The following FCSK variants were observed in gnomAD, a reference collection of about 807,000 sequenced individuals.
The protein encoded by FCSK is L-fucose kinase.
Under a neutral mutation model 122.5 loss-of-function variants are expected in FCSK, and 123 were observed. The ratio of observed to expected loss-of-function variants is 1.00; its 90% CI spans 0.87 to 1.17. FCSK has a LOEUF of 1.17. Among genes scored for constraint, FCSK ranks in the 50% most tolerant of loss-of-function variants. The pLI is 0.00. For missense variants in FCSK, 1,366 were observed against 1,450.4 expected (o/e 0.94, Z 0.95); for synonymous variants, 620 against 625.5 (o/e 0.99, Z 0.13).
At chr16:70,456,381 T>C (rs1679309380) in intron 1 of FCSK, among the ~76,000 whole-genome samples, 1 of 152,234 alleles carries the variant, frequency 6.6e-6, no homozygotes, top group Admixed American at 6.5e-5. Flanking sequence ...GCCTTTGCCA[T>C]AGTGCCTGAA....
At chr16:70,469,741 C>T (rs2048549887) in intron 10 of FCSK, among the ~76,000 whole-genome samples, 1 of 152,026 alleles carries the variant, frequency 6.6e-6, no homozygotes, top group South Asian at 2.1e-4. Context: ...TTTAGTTGGT[C>T]AGGCTGGTCT....
rs1031791041 is a variant in FCSK at position 70,471,015 on chromosome 16, G to C, written c.1113G>C (p.Leu371=). Residue 371 remains leucine (L), a synonymous_variant, in exon 12 of 24, where the codon CTG becomes CTC. Coordinates refer to ENST00000288078, the MANE Select transcript of FCSK (RefSeq NM_145059.3). The part of the protein sequence containing the change: ...LAAGSSVVSC[L]LEGPVQLGPG... ...CCGGGAGCTCTGTGGTCAGCTGCCTGCTGGAGGGCCCTGTCCAGCTGGGTC... is the reference window on the plus strand; with the variant it reads ...CCGGGAGCTCTGTGGTCAGCTGCCTCCTGGAGGGCCCTGTCCAGCTGGGTC... 1 of 1,602,210 alleles carries C rather than the reference G, an allele frequency of 6.2e-7. No individual in the cohort carries two copies. The highest frequency in any genetic ancestry group is 8.5e-7 in the Non-Finnish European group (1 of 1,176,262).
At position 70,468,924 on chromosome 16, in the gene FCSK, G is replaced by A. The variant is rs748456022; in HGVS notation, c.739G>A (p.Ala247Thr). 4.3e-6 allele frequency: 7 copies of A among 1,613,932 alleles called. No homozygotes were observed. The highest frequency in any genetic ancestry group is 4.2e-6 in the Non-Finnish European group (5 of 1,180,024). ...LATHVSPPLD[A>T]CTYLGLDSGA... ...CACCCACGTGAGCCCGCCCCTGGAT[G>A]CCTGCACCTACCTAGGCTTGGACTC... Residue 247 changes from alanine (A) to threonine (T), a missense_variant, in exon 9 of 24, where the codon GCC becomes ACC. By Grantham distance (58) the Ala-to-Thr change is moderately conservative (BLOSUM62 0). Transcript: ENST00000288078.
chr16:70,455,808 C>T (rs1196784487), intron 1 of FCSK, among the ~76,000 whole-genome samples: 20 of 151,732 alleles, frequency 1.3e-4, no homozygotes, highest in Admixed American at 6.6e-5. Context: ...AGGAGAATCA[C>T]TTTAACCTGG....
rs759405804 is a variant in FCSK, at chr16:70,467,357, A to G, written c.485-17A>G. 165 of 1,586,864 alleles carry G rather than the reference A, an allele frequency of 1.0e-4. No homozygotes were observed. Among genetic ancestry groups the G allele is most frequent in the Non-Finnish European group, 1.4e-4 (164 of 1,164,724 alleles). On this transcript the variant is annotated splice_polypyrimidine_tract_variant and intron_variant, in intron 6 of 23. Coordinates refer to ENST00000288078, the MANE Select transcript of FCSK (RefSeq NM_145059.3). ...GGTGGAGGCCCCTGGGAGCCTCCTGACTGCCCCACCCCACAGGTATCAGCT... is the reference window on the plus strand; with the variant it reads ...GGTGGAGGCCCCTGGGAGCCTCCTGGCTGCCCCACCCCACAGGTATCAGCT...
intron 4 of FCSK, among the ~76,000 whole-genome samples, chr16:70,465,474 C>A (rs746769729): frequency 1.3e-5 from 2 of 151,632 alleles, no homozygotes; most frequent in Non-Finnish European, 2.9e-5. Context: ...GCCTGGGCAA[C>A]ATGGTGAAAC....
In FCSK at chr16:70,475,340, CCTT is replaced by C. The variant is rs1567711482; in HGVS notation, c.2378-7_2378-5del. On this transcript the variant is annotated splice_polypyrimidine_tract_variant and splice_region_variant and intron_variant, in intron 18 of 23. Coordinates refer to ENST00000288078, the MANE Select transcript of FCSK (RefSeq NM_145059.3). The stretch of plus-strand genomic sequence containing the variant: ...GACTGAATTCCTTTCTCATGCCTGT[CCTT>C]CTGCAGGGGCCCTGCTGAAGGCGGC... 14 of 1,608,938 alleles carry C rather than the reference CCTT, an allele frequency of 8.7e-6. No homozygotes were observed. The highest frequency in any genetic ancestry group is 1.1e-5 in the Non-Finnish European group (13 of 1,179,866).
chr16:70,472,537 C>T lies in FCSK; in HGVS notation c.1342-4C>T. ...AGCCCTGACTGCTTCTTCCTCTCCC[C>T]CAGAGACAGGGGGCAGGCACATATC... On this transcript the variant is annotated splice_region_variant and splice_polypyrimidine_tract_variant and intron_variant, in intron 13 of 23. Coordinates refer to ENST00000288078, the MANE Select transcript of FCSK (RefSeq NM_145059.3). 4 of 1,611,822 alleles carry T rather than the reference C, an allele frequency of 2.5e-6. No individual in the cohort carries two copies. Among genetic ancestry groups the T allele is most frequent in the Non-Finnish European group, 3.4e-6 (4 of 1,178,850 alleles).
At position 70,472,494 on chromosome 16, in the gene FCSK, C is replaced by T. The variant is rs1226255445; in HGVS notation, c.1342-47C>T. On this transcript the variant is annotated intron_variant, in intron 13 of 23. Transcript: ENST00000288078. ...GCCCCCTGGCCGAGTGTCTCTAACC[C>T]TTTCCTGTGGCCCCTGCAGCCCTGA... 2.6e-6 allele frequency: 4 copies of T among 1,522,848 alleles called. 1 individual carries two copies. In the South Asian group the frequency reaches 4.7e-5, roughly 18 times the overall value. 94.3% of individuals were successfully genotyped at this position (1,522,848 alleles called of 1,614,324 possible).
intron 1 of FCSK, among the ~76,000 whole-genome samples, chr16:70,459,176 T>C (rs1280805525): frequency 6.7e-6 from 1 of 150,182 alleles, no homozygotes; most frequent in Non-Finnish European, 1.5e-5. Flanking sequence ...TGAGTTATGA[T>C]TGCACCACTA....
intron 13 of FCSK, among the ~76,000 whole-genome samples, chr16:70,471,853 C>T (rs1300985289): frequency 6.8e-6 from 1 of 147,706 alleles, no homozygotes; most frequent in Admixed American, 6.7e-5. Context: ...TCTCCCAGGC[C>T]GGAGTGCAGT....
Position 70,455,888 on chromosome 16 carries a change from CAA to C in FCSK, c.-23+1270_-23+1271del, listed in dbSNP as rs1198596857. ...GCCTGACGACAGAGGGAGACTGTCT[CAA>C]AAAAAAAAAAAGCCAGGCATGGTGG... is the stretch of plus-strand genomic sequence containing the variant. On this transcript the variant is annotated intron_variant, in intron 1 of 23. Coordinates refer to ENST00000288078, the MANE Select transcript of FCSK (RefSeq NM_145059.3). Among the ~76,000 whole-genome samples, 32 of 115,262 alleles carry C rather than the reference CAA, an allele frequency of 2.8e-4. 1 individual carries two copies. The highest frequency in any genetic ancestry group is 8.9e-4 in the African/African-American group (29 of 32,744). 75.6% of individuals were successfully genotyped at this position (115,262 alleles called of 152,430 possible).
rs1291051324 is a variant in FCSK, at chr16:70,474,628, C to T, written c.2089C>T (p.Gln697Ter). Residue 697 changes from glutamine to a stop codon, truncating the protein, a stop_gained, in exon 17 of 24, where the codon CAG (glutamine) becomes TAG (stop). Coordinates refer to ENST00000288078, the MANE Select transcript of FCSK (RefSeq NM_145059.3). LOFTEE classifies it high-confidence loss of function. Reference protein sequence around the residue: ...MSAQHFVSTEQVELPGPGQWV... With the variant: ...MSAQHFVSTE Reference sequence around the variant, plus strand: ...AGCCCAGCACTTTGTCTCCACAGAGCAGGTGGAACTGCCGGGACCTGGGCA... The same window carrying T: ...AGCCCAGCACTTTGTCTCCACAGAGTAGGTGGAACTGCCGGGACCTGGGCA... 7 of 1,591,406 alleles carry T rather than the reference C, an allele frequency of 4.4e-6. No individual in the cohort carries two copies. Among genetic ancestry groups the T allele is most frequent in the Non-Finnish European group, 5.1e-6 (6 of 1,169,102 alleles).
At chr16:70,457,999 C>T (rs2048143063) in intron 1 of FCSK, 2 of 151,406 alleles carry the variant, frequency 1.3e-5, no homozygotes, top group East Asian at 1.9e-4. Flanking sequence ...TTGACTATAG[C>T]GTCTCCTGGC....
chr16:70,458,284 T>G (rs1298924853), intron 1 of FCSK, among the ~76,000 whole-genome samples: 2 of 150,890 alleles, frequency 1.3e-5, no homozygotes, highest in East Asian at 3.9e-4. Context: ...CTCAGCCTCC[T>G]GAGTAGCTGG....
Position 70,473,239 on chromosome 16 carries a change from C to T in FCSK, c.1663C>T (p.Leu555=), listed in dbSNP as rs1048422186. Residue 555 remains leucine (L), a synonymous_variant, in exon 15 of 24, where the codon CTG becomes TTG. Coordinates refer to ENST00000288078, the MANE Select transcript of FCSK (RefSeq NM_145059.3). This position sits in a 1 kb window ranked among gnomAD's most constrained non-coding sequence, Gnocchi z 4.9. The stretch of plus-strand genomic sequence containing the variant: ...CCGGGACCTGTTCTTCCGCCAGGCC[C>T]TGCATAAGGCGCGGCACGTGCTGGA... The part of the protein sequence containing the change: ...SRRDLFFRQA[L]HKARHVLEAR... 2.6e-6 allele frequency: 4 copies of T among 1,534,816 alleles called. No individual in the cohort carries two copies. Among genetic ancestry groups the T allele is most frequent in the Non-Finnish European group, 3.5e-6 (4 of 1,145,450 alleles).
intron 15 of FCSK, 121 bp from the exon 16 acceptor site, chr16:70,474,007 TG>T: frequency 2.3e-6 from 2 of 864,888 alleles, no homozygotes; most frequent in African/African-American, 1.7e-5. Flanking sequence ...AGATACATTG[TG>T]GGCAAAAGCC....
At chr16:70,463,120 G>A (rs2151705297) in intron 1 of FCSK, 49 bp from the exon 2 acceptor site, 1 of 1,053,748 alleles carries the variant, frequency 9.5e-7, no homozygotes, top group East Asian at 2.4e-5. Context: ...ATTACTTTTA[G>A]TTATGATGGT....
In FCSK at chr16:70,479,696, G is replaced by C; in HGVS notation, c.*16G>C. ...TTTCCCATGAAGCTGGCTTCTCTCT[G>C]CAACAGGAGAAAACCTGGAGCTACA... On this transcript the variant is annotated 3_prime_UTR_variant, in exon 24 of 24. Transcript: ENST00000288078. 6.2e-7 allele frequency: 1 copy of C among 1,605,700 alleles called. No individual in the cohort carries two copies. Among genetic ancestry groups the C allele is most frequent in the Non-Finnish European group, 8.5e-7 (1 of 1,173,350 alleles).
Sources: allele counts gnomAD v4.1 joint callset (sites outside exome capture counted in the v4.1 genomes callset), GRCh38; gene constraint gnomAD v4.1.1; non-coding constraint Gnocchi (gnomAD v3.1); transcripts MANE v1.5; gene names NCBI Gene and HGNC (gene_info 2026-07-23, HGNC 2026-07-21).